DENND1A: variants seen among roughly 807,000 people sequenced by gnomAD.
The protein encoded by DENND1A is DENN domain containing 1A.
In DENND1A, 51 loss-of-function variants were observed where a neutral mutation model predicts 113.7. The observed-to-expected ratio is 0.45, with a 90% CI of 0.36 to 0.57. The LOEUF is 0.57. Ranked by LOEUF, DENND1A falls within the 20% of genes least tolerant of loss-of-function variation. The pLI is 0.00. For missense variants in DENND1A, 1,258 were observed against 1,395.9 expected, an observed-to-expected ratio of 0.90 and a Z score of 1.57; for synonymous variants, 565 against 570.8, an observed-to-expected ratio of 0.99 and a Z score of 0.14.
chr9:123,851,881 AAC>A (rs1843418391), intron 2 of DENND1A, among the ~76,000 whole-genome samples: 1 of 152,226 alleles, frequency 6.6e-6, no homozygotes, highest in African/African-American at 2.4e-5. Context: ...CTCAGTTGCA[AAC>A]ACAGGTTCTC....
intron 11 of DENND1A, among the ~76,000 whole-genome samples, chr9:123,589,950 T>A (rs1351581962): frequency 6.6e-6 from 1 of 152,228 alleles, no homozygotes; most frequent in African/African-American, 2.4e-5. Flanking sequence ...CTTGACTGCA[T>A]AAATCCTCCA....
chr9:123,748,246 A>T (rs1304281878), intron 5 of DENND1A, among the ~76,000 whole-genome samples: 1 of 152,232 alleles, frequency 6.6e-6, no homozygotes, highest in Non-Finnish European at 1.5e-5. Flanking sequence ...GCACCATCCC[A>T]ATTCAGGGAA....
chr9:123,514,551 C>T (rs955324641), intron 13 of DENND1A, among the ~76,000 whole-genome samples: 7 of 151,948 alleles, frequency 4.6e-5, no homozygotes, highest in African/African-American at 1.2e-4. Context: ...GCAGGGGCAG[C>T]GACAGAAGCG....
intron 5 of DENND1A, among the ~76,000 whole-genome samples, chr9:123,706,597 C>A (rs1048370907): frequency 6.6e-6 from 1 of 151,050 alleles, no homozygotes; most frequent in Admixed American, 6.6e-5. Flanking sequence ...CAGCGAAACC[C>A]GGTCTCTACT....
intron 19 of DENND1A, among the ~76,000 whole-genome samples, chr9:123,415,782 G>T (rs72755169): frequency 6.6e-6 from 1 of 152,190 alleles, no homozygotes; most frequent in Non-Finnish European, 1.5e-5. Flanking sequence ...TTCACGCAGG[G>T]CCAGGGGCAC....
chr9:123,816,727 T>C (rs956358847), intron 2 of DENND1A, among the ~76,000 whole-genome samples: 4 of 152,222 alleles, frequency 2.6e-5, no homozygotes, highest in Admixed American at 2.6e-4. Context: ...CAATGTTATT[T>C]TGAATTCACA....
intron 19 of DENND1A, among the ~76,000 whole-genome samples, chr9:123,434,040 T>A (rs1315352871): frequency 1.3e-5 from 2 of 152,232 alleles, no homozygotes; most frequent in Admixed American, 1.3e-4. Flanking sequence ...AAAATCCTTT[T>A]TTTTGAGATG....
At chr9:123,731,940 A>G (rs2068205691) in intron 5 of DENND1A, among the ~76,000 whole-genome samples, 1 of 152,244 alleles carries the variant, frequency 6.6e-6, no homozygotes, top group African/African-American at 2.4e-5. Context: ...CAAAGAAGAT[A>G]TACAAATGAC....
intron 8 of DENND1A, among the ~76,000 whole-genome samples, chr9:123,654,534 G>C (rs1041280061): frequency 1.3e-5 from 2 of 152,142 alleles, no homozygotes; most frequent in Non-Finnish European, 2.9e-5. Context: ...TTGTGGATGG[G>C]AAGGAAACAT....
intron 4 of DENND1A, among the ~76,000 whole-genome samples, chr9:123,765,907 C>A (rs1409354512): frequency 6.6e-6 from 1 of 152,170 alleles, no homozygotes. Context: ...TTTCCTGGCC[C>A]TGTAAATTAT....
intron 13 of DENND1A, among the ~76,000 whole-genome samples, chr9:123,540,792 T>A (rs1180911560): frequency 6.6e-6 from 1 of 152,146 alleles, no homozygotes; most frequent in African/African-American, 2.4e-5. Context: ...CCCTGACACA[T>A]TGAATTATCA....
chr9:123,562,204 T>A (rs1296341336), intron 12 of DENND1A, among the ~76,000 whole-genome samples: 2 of 152,172 alleles, frequency 1.3e-5, no homozygotes, highest in Non-Finnish European at 2.9e-5. Context: ...CTGTCCTCCA[T>A]CAGCCTCACT....
chr9:123,647,118 T>C (rs1162736015), intron 9 of DENND1A, among the ~76,000 whole-genome samples: 1 of 152,218 alleles, frequency 6.6e-6, no homozygotes, highest in Non-Finnish European at 1.5e-5. Flanking sequence ...TCCCTGATAC[T>C]CTAAAATCTC....
chr9:123,713,779 A>G (rs922689294), intron 5 of DENND1A, among the ~76,000 whole-genome samples: 2 of 152,220 alleles, frequency 1.3e-5, no homozygotes, highest in African/African-American at 4.8e-5. Context: ...GACAATAAGA[A>G]TATTATTACT....
intron 7 of DENND1A, among the ~76,000 whole-genome samples, chr9:123,668,541 A>T (rs2063601183): frequency 6.6e-6 from 1 of 152,238 alleles, no homozygotes; most frequent in African/African-American, 2.4e-5. Flanking sequence ...GAGGTCAAGT[A>T]GTCAGTCAAA....
intron 1 of DENND1A, among the ~76,000 whole-genome samples, chr9:123,897,521 C>CATACACAGTG (rs1285600997): frequency 6.6e-6 from 1 of 152,204 alleles, no homozygotes; most frequent in Admixed American, 6.5e-5. Flanking sequence ...GAAGCCCAGA[C>CATACACAGTG]TACATACACA....
chr9:123,482,714 C>T (rs1050816562), intron 13 of DENND1A, among the ~76,000 whole-genome samples: 4 of 152,190 alleles, frequency 2.6e-5, no homozygotes, highest in Non-Finnish European at 5.9e-5. Context: ...TCCTGCTGTG[C>T]AGAGAACAAA....
chr9:123,584,930 G>A (rs187289160), intron 11 of DENND1A, among the ~76,000 whole-genome samples: 1 of 152,260 alleles, frequency 6.6e-6, no homozygotes, highest in African/African-American at 2.4e-5. Flanking sequence ...ACCAGTCCCT[G>A]ACAACATGAC....
chr9:123,461,794 T>C (rs749346360), intron 13 of DENND1A: 3 of 151,918 alleles, frequency 2.0e-5, no homozygotes, highest in Non-Finnish European at 2.9e-5. Flanking sequence ...GACATGGGCA[T>C]GGAAGGGAAA....
Sources: allele counts gnomAD v4.1 joint callset (sites outside exome capture counted in the v4.1 genomes callset), GRCh38; gene constraint gnomAD v4.1.1; transcripts MANE v1.5; gene names NCBI Gene and HGNC (gene_info 2026-07-23, HGNC 2026-07-21).